The following ZNF493 variants were observed in gnomAD, a reference collection of about 807,000 sequenced individuals.
The protein encoded by ZNF493 is zinc finger protein 493.
Under a neutral mutation model 12.2 loss-of-function variants are expected in ZNF493, and 11 were observed. That is an observed-to-expected ratio of 0.90 (90% CI 0.57 to 1.50). The LOEUF is 1.50. Among genes scored for constraint, ZNF493 ranks in the 40% most tolerant of loss-of-function variants. The probability of loss-of-function intolerance (pLI) is 0.00; values close to 1 mark genes in which losing one functional copy is unlikely to be tolerated. For missense variants in ZNF493, 950 were observed against 906.6 expected (o/e 1.05, Z -0.61); for synonymous variants, 286 against 302.6 (o/e 0.95, Z 0.57).
chr19:21,407,645 C>T, intron 3 of ZNF493: 1 of 970,658 alleles, frequency 1.0e-6, no homozygotes, highest in South Asian at 4.8e-5. Context: ...GTGTGTAGAA[C>T]AATAACTTAC....
At chr19:21,422,496 TCTGTTCCCCAGG>T (rs1254206636) in intron 3 of ZNF493, among the ~76,000 whole-genome samples, 1 of 147,830 alleles carries the variant, frequency 6.8e-6, no homozygotes, top group Non-Finnish European at 1.5e-5. Context: ...GTATTCTCAC[TCTGTTCCCCAGG>T]CTGTAGTGCA....
At chr19:21,407,123 G>A (rs879508892) in intron 3 of ZNF493, among the ~76,000 whole-genome samples, 1 of 151,938 alleles carries the variant, frequency 6.6e-6, no homozygotes, top group African/African-American at 2.4e-5. Context: ...TGAGGCCGGT[G>A]GATCACTTGA....
At chr19:21,405,907 T>TTAAA (rs576156466) in intron 3 of ZNF493, 51 bp downstream of exon 3, 2 of 180,438 alleles carry the variant, frequency 1.1e-5, no homozygotes, top group East Asian at 1.9e-4. Context: ...TTGAAAGATT[T>TTAAA]AAAAAAAAAA....
Position 21,405,243 on chromosome 19 carries a change from C to G in ZNF493, c.145C>G (p.Leu49Val), listed in dbSNP as rs186517709. Reference protein sequence around the residue: ...RKVMLENYRNLVFLGIAVSKP... With the variant: ...RKVMLENYRNVVFLGIAVSKP... ...AGTGATGTTAGAGAACTACAGAAACCTGGTCTTCTTGGGTGAGAATAACTT... is the reference window on the plus strand; with the variant it reads ...AGTGATGTTAGAGAACTACAGAAACGTGGTCTTCTTGGGTGAGAATAACTT... Residue 49 changes from leucine (L) to valine (V), a missense_variant, in exon 2 of 4, where the codon CTG (leucine) becomes GTG (valine). Coordinates refer to ENST00000392288, the MANE Select transcript of ZNF493 (RefSeq NM_001076678.3). 12 of 1,613,294 alleles carry G rather than the reference C, an allele frequency of 7.4e-6. No individual in the cohort carries two copies. In the African/African-American group the frequency reaches 1.3e-4, roughly 18 times the overall value.
At position 21,397,148 on chromosome 19, in the gene ZNF493, T is replaced by G. The variant is rs1974182248; in HGVS notation, c.-90T>G. The stretch of plus-strand genomic sequence containing the variant: ...TGGCTGGGCCATTGTTTCTCTCTGC[T>G]GCCGGAGCTCCAGGTCTACCCTTCA... On this transcript the variant is annotated 5_prime_UTR_variant, in exon 1 of 4. Coordinates refer to ENST00000392288, the MANE Select transcript of ZNF493 (RefSeq NM_001076678.3). 2.7e-6 allele frequency: 4 copies of G among 1,478,024 alleles called. No homozygotes were observed. The highest frequency in any genetic ancestry group is 2.8e-5 in the African/African-American group (2 of 72,536). 91.6% of individuals were successfully genotyped at this position (1,478,024 alleles called of 1,614,324 possible). A position where few individuals can be genotyped will look rare whatever the true frequency, so the allele number is the denominator to read the frequency against.
intron 3 of ZNF493, among the ~76,000 whole-genome samples, chr19:21,409,560 A>G (rs1224043029): frequency 6.6e-6 from 1 of 152,136 alleles, no homozygotes; most frequent in Non-Finnish European, 1.5e-5. Context: ...CCTGGGCAAC[A>G]TATGAAGAGT....
At chr19:21,401,415 T>C (rs1449386654) in intron 1 of ZNF493, among the ~76,000 whole-genome samples, 2 of 152,068 alleles carry the variant, frequency 1.3e-5, no homozygotes, top group Non-Finnish European at 2.9e-5. Context: ...AAGGTTTCTA[T>C]TTTTTTGTTT....
Position 21,423,266 on chromosome 19 carries a change from A to G in ZNF493, c.607A>G (p.Ile203Val). The change falls in exon 4 of 4, where the codon ATT (isoleucine) becomes GTT (valine). Residue 203 changes from isoleucine (I) to valine (V), a missense_variant. Physicochemically the swap from Ile to Val is conservative, Grantham distance 29. Transcript: ENST00000392288. ...MLLHLCQHKRIHIRENSYRCE... is the reference protein window; with the variant it reads ...MLLHLCQHKRVHIRENSYRCE... ...TTTACACCTATGTCAGCATAAAAGA[A>G]TTCATATTAGAGAGAATTCTTACCG... is the stretch of plus-strand genomic sequence containing the variant. 6.2e-6 allele frequency: 10 copies of G among 1,613,810 alleles called. No homozygotes were observed. Among genetic ancestry groups the G allele is most frequent in the Non-Finnish European group, 8.5e-6 (10 of 1,179,858 alleles).
intron 3 of ZNF493, chr19:21,414,787 C>G (rs911101427): frequency 6.6e-6 from 1 of 152,142 alleles, no homozygotes; most frequent in Non-Finnish European, 1.5e-5. Context: ...AGAAGCTTTA[C>G]CATTACTAAA....
intron 3 of ZNF493, chr19:21,408,360 C>T (rs956371494): frequency 2.4e-6 from 2 of 835,864 alleles, no homozygotes; most frequent in Admixed American, 1.2e-4. Context: ...GAACTCCTGA[C>T]CTCAGGTGAT....
intron 3 of ZNF493, chr19:21,407,864 C>T (rs777596841): frequency 2.1e-5 from 21 of 985,284 alleles, no homozygotes; most frequent in Non-Finnish European, 2.5e-5. Context: ...AAAATAGAAA[C>T]ATTGACAAAG....
chr19:21,423,034 A>T lies in ZNF493; in HGVS notation c.375A>T (p.Gly125=), dbSNP rs376323123. 8 of 1,613,404 alleles carry T rather than the reference A, an allele frequency of 5.0e-6. No individual in the cohort carries two copies. Among genetic ancestry groups the T allele is most frequent in the Non-Finnish European group, 6.8e-6 (8 of 1,179,768 alleles). The change falls in exon 4 of 4, where the codon GGA becomes GGT. Residue 125 remains glycine, a synonymous_variant. Transcript: ENST00000392288. ...CGHKDLQLRK[G]CKSMNECNVH... is the part of the protein sequence containing the mutation. ...ATAAGGATTTACAGTTAAGAAAAGG[A>T]TGTAAAAGTATGAATGAGTGTAATG...
At position 21,413,726 on chromosome 19, in the gene ZNF493, T is replaced by C. The variant is rs113654269; in HGVS notation, c.253+7870T>C. The C allele has an allele frequency of 1.5e-3, 541 of 354,780 alleles. 1 individual carries two copies. Among genetic ancestry groups the C allele is most frequent in the Admixed American group, 3.0e-3 (63 of 21,320 alleles). 22.0% of individuals were successfully genotyped at this position (354,780 alleles called of 1,614,324 possible). A position where few individuals can be genotyped will look rare whatever the true frequency, so the allele number is the denominator to read the frequency against. On this transcript the variant is annotated intron_variant, in intron 3 of 3. Coordinates refer to ENST00000392288, the MANE Select transcript of ZNF493 (RefSeq NM_001076678.3). ...AGCATAATCTCTACCCCAAGTTATT[T>C]TACCCATTTGCCAACTTTTTGTTAT...
chr19:21,397,408 C>T (rs1277487526), intron 1 of ZNF493, 141 bp downstream of exon 1: 1 of 1,067,786 alleles, frequency 9.4e-7, no homozygotes, highest in Non-Finnish European at 1.4e-6. Context: ...AGCTCGGCCT[C>T]AGTCTCCTTC....
chr19:21,406,584 G>C (rs2030137892), intron 3 of ZNF493, among the ~76,000 whole-genome samples: 1 of 152,040 alleles, frequency 6.6e-6, no homozygotes, highest in Non-Finnish European at 1.5e-5. Context: ...TATTTTATTA[G>C]TTCTTTTTTT....
Position 21,423,370 on chromosome 19 carries a change from C to G in ZNF493, c.711C>G (p.Ser237=). 1 of 1,613,576 alleles carries G rather than the reference C, an allele frequency of 6.2e-7. No homozygotes were observed. The highest frequency in any genetic ancestry group is 8.5e-7 in the Non-Finnish European group (1 of 1,179,822). The change falls in exon 4 of 4, where the codon TCC becomes TCG. Residue 237 remains serine, a synonymous_variant. Coordinates refer to ENST00000392288, the MANE Select transcript of ZNF493 (RefSeq NM_001076678.3). The part of the protein sequence containing the change: ...RHRRVHTGEK[S]YKYECGKSFN... ...GGAGAGTTCATACTGGAGAGAAATC[C>G]TACAAATATGAATGTGGCAAATCTT...
In ZNF493 at chr19:21,423,926, CATAAA is replaced by C; in HGVS notation, c.1269_1273del (p.His423GlnfsTer12). The stretch of plus-strand genomic sequence containing the variant: ...TAAGGAGTCTTCACACCTTACTACA[CATAAA>C]AGAATTCATACTGGAGAGAAACCCT... On this transcript the variant is annotated frameshift_variant, in exon 4 of 4. Transcript: ENST00000392288. LOFTEE classifies it low-confidence loss of function (END_TRUNC). The C allele has an allele frequency of 6.2e-7, 1 of 1,613,348 alleles. No homozygotes were observed. Among genetic ancestry groups the C allele is most frequent in the African/African-American group, 1.3e-5 (1 of 75,008 alleles).
At chr19:21,413,548 G>A in intron 3 of ZNF493, 2 of 402,586 alleles carry the variant, frequency 5.0e-6, no homozygotes, top group East Asian at 3.5e-5. Context: ...TGTGACGCTT[G>A]GGGTTGTCCT....
At chr19:21,415,742 A>G (rs929564078) in intron 3 of ZNF493, among the ~76,000 whole-genome samples, 11 of 152,066 alleles carry the variant, frequency 7.2e-5, no homozygotes, top group East Asian at 1.9e-4. Context: ...TCCAATGAAA[A>G]CGCTTAGCAG....
Sources: allele counts gnomAD v4.1 joint callset (sites outside exome capture counted in the v4.1 genomes callset), GRCh38; gene constraint gnomAD v4.1.1; transcripts MANE v1.5; gene names NCBI Gene and HGNC (gene_info 2026-07-23, HGNC 2026-07-21).